The following DLGAP2 variants were observed in gnomAD, a reference collection of about 807,000 sequenced individuals.
The protein encoded by DLGAP2 is disks large-associated protein 2.
A neutral mutation model predicts 100.3 loss-of-function variants in DLGAP2; 26 were observed. That is an observed-to-expected ratio of 0.26 (90% CI 0.19 to 0.36). The LOEUF is 0.36. Among genes scored for constraint, DLGAP2 ranks in the 10% least tolerant of loss-of-function variants. The pLI is 1.00. For synonymous variants in DLGAP2, 886 were observed against 630.1 expected (o/e 1.41, Z -6.08); for missense variants, 1,858 against 1,453.2 (o/e 1.28, Z -4.53).
intron 4 of DLGAP2, among the ~76,000 whole-genome samples, chr8:1,520,233 C>G (rs1800544658): frequency 6.6e-6 from 1 of 152,164 alleles, no homozygotes; most frequent in African/African-American, 2.4e-5. Context: ...CTGCAGGCCC[C>G]CACCCCGGAG....
chr8:1,313,975 C>A (rs971547115), intron 3 of DLGAP2, among the ~76,000 whole-genome samples: 2 of 152,058 alleles, frequency 1.3e-5, no homozygotes, highest in Admixed American at 6.5e-5. Flanking sequence ...TTTAAAATTA[C>A]AATATTTCAT....
chr8:1,525,938 C>G (rs1007533058), intron 4 of DLGAP2, among the ~76,000 whole-genome samples: 1 of 152,080 alleles, frequency 6.6e-6, no homozygotes, highest in Non-Finnish European at 1.5e-5. Flanking sequence ...TTCTGAAATG[C>G]TTGGCATTAG....
At chr8:1,334,892 C>G (rs1419641088) in intron 3 of DLGAP2, among the ~76,000 whole-genome samples, 1 of 152,204 alleles carries the variant, frequency 6.6e-6, no homozygotes, top group Non-Finnish European at 1.5e-5. Flanking sequence ...GTTCTTTCTT[C>G]TCCTCCCCGC....
chr8:1,531,894 G>A (rs377469041), intron 4 of DLGAP2, among the ~76,000 whole-genome samples: 18 of 152,158 alleles, frequency 1.2e-4, no homozygotes, highest in African/African-American at 3.9e-4. Flanking sequence ...ACGCACACCC[G>A]TGACACAGCC....
intron 8 of DLGAP2, among the ~76,000 whole-genome samples, chr8:1,654,401 C>T (rs999223632): frequency 6.6e-6 from 1 of 152,156 alleles, no homozygotes; most frequent in African/African-American, 2.4e-5. Context: ...GTGGCTCACG[C>T]CTGTAATCTC....
At chr8:1,162,281 G>A (rs929916635) in intron 2 of DLGAP2, among the ~76,000 whole-genome samples, 5 of 152,172 alleles carry the variant, frequency 3.3e-5, no homozygotes, top group South Asian at 2.1e-4. Flanking sequence ...ACCCTGCACC[G>A]GCGTCTGCGT....
At chr8:921,524 G>A (rs966799711) in intron 2 of DLGAP2, among the ~76,000 whole-genome samples, 5 of 152,376 alleles carry the variant, frequency 3.3e-5, no homozygotes, top group Non-Finnish European at 7.3e-5. Flanking sequence ...CATGACCCAT[G>A]CATCCCGGAA....
intron 2 of DLGAP2, among the ~76,000 whole-genome samples, chr8:1,156,639 G>GGCTCAGCGCCCCA (rs71202694): frequency 2.0e-4 from 30 of 147,546 alleles, no homozygotes; most frequent in East Asian, 4.1e-4. Context: ...CCAGCGCCCC[G>GGCTCAGCGCCCCA]GCTCAGCGCC....
At chr8:1,333,886 C>A (rs1194164475) in intron 3 of DLGAP2, among the ~76,000 whole-genome samples, 1 of 152,220 alleles carries the variant, frequency 6.6e-6, no homozygotes, top group South Asian at 2.1e-4. Context: ...AAGTCAGATC[C>A]CAGGTGCATC....
At chr8:1,175,350 A>C (rs1326710618) in intron 2 of DLGAP2, among the ~76,000 whole-genome samples, 5 of 152,236 alleles carry the variant, frequency 3.3e-5, no homozygotes, top group African/African-American at 1.2e-4. Flanking sequence ...TCTCTGTAGC[A>C]CATCTAATCT....
At chr8:1,229,960 C>G (rs923369704) in intron 2 of DLGAP2, among the ~76,000 whole-genome samples, 1 of 152,142 alleles carries the variant, frequency 6.6e-6, no homozygotes, top group Non-Finnish European at 1.5e-5. Flanking sequence ...AGAACTGGAA[C>G]AAGACAAGGA....
chr8:1,465,792 G>A lies in DLGAP2; in HGVS notation c.107-35574G>A, dbSNP rs146838013. On this transcript the variant is annotated intron_variant, in intron 3 of 14. Transcript: ENST00000637795. The stretch of plus-strand genomic sequence containing the variant: ...AGGCCTATGTGTTCAGACTCTTCCC[G>A]GCCCCTCTGTGCCGCGTTTCTTCCT... Among the ~76,000 whole-genome samples, 133 of 152,330 alleles carry A rather than the reference G, an allele frequency of 8.7e-4. 1 individual carries two copies. Among genetic ancestry groups the A allele is most frequent in the African/African-American group, 3.1e-3 (129 of 41,578 alleles).
At chr8:1,597,279 G>C (rs893072277) in intron 6 of DLGAP2, among the ~76,000 whole-genome samples, 1 of 152,122 alleles carries the variant, frequency 6.6e-6, no homozygotes, top group Non-Finnish European at 1.5e-5. Context: ...TTGTAGTATA[G>C]TTTGAAGTCA....
chr8:1,350,154 C>A (rs1801674097), intron 3 of DLGAP2, among the ~76,000 whole-genome samples: 1 of 152,204 alleles, frequency 6.6e-6, no homozygotes. Flanking sequence ...ACATCCCCGA[C>A]TACTTCATGC....
At chr8:1,084,680 A>G (rs781166376) in intron 2 of DLGAP2, among the ~76,000 whole-genome samples, 6 of 152,150 alleles carry the variant, frequency 3.9e-5, no homozygotes, top group Non-Finnish European at 7.3e-5. Context: ...CTCCCATTCC[A>G]TGCATGTTTT....
chr8:1,242,876 TCAGA>T (rs1245580384), intron 2 of DLGAP2, among the ~76,000 whole-genome samples: 22 of 151,760 alleles, frequency 1.4e-4, no homozygotes, highest in South Asian at 4.2e-4. Flanking sequence ...GTGTGGATGG[TCAGA>T]CAGACAGGTG....
intron 1 of DLGAP2, among the ~76,000 whole-genome samples, chr8:813,359 A>G (rs1267696996): frequency 1.3e-5 from 2 of 152,108 alleles, no homozygotes; most frequent in African/African-American, 2.4e-5. Context: ...AAGTGTTTAT[A>G]TTCATATAAA....
intron 3 of DLGAP2, among the ~76,000 whole-genome samples, chr8:1,381,817 GTGTGTGTT>G (rs1010788245): frequency 6.1e-5 from 9 of 147,174 alleles, no homozygotes; most frequent in African/African-American, 2.4e-4. Context: ...GTGTGTGTGT[GTGTGTGTT>G]TGTATCACAT....
chr8:1,535,963 G>C (rs917767451), intron 4 of DLGAP2, among the ~76,000 whole-genome samples: 1 of 152,204 alleles, frequency 6.6e-6, no homozygotes, highest in African/African-American at 2.4e-5. Flanking sequence ...TGGCAGACAC[G>C]TTGCCATCCT....
Sources: allele counts gnomAD v4.1 joint callset (sites outside exome capture counted in the v4.1 genomes callset), GRCh38; gene constraint gnomAD v4.1.1; transcripts MANE v1.5; gene names NCBI Gene and HGNC (gene_info 2026-07-23, HGNC 2026-07-21).